SYT2: variants seen among roughly 807,000 people sequenced by gnomAD.
SYT2 encodes the protein synaptotagmin-2.
In SYT2, 15 loss-of-function variants were observed where a neutral mutation model predicts 39.9. The ratio of observed to expected loss-of-function variants is 0.38; its 90% CI spans 0.25 to 0.58. The LOEUF is 0.58. Among genes scored for constraint, SYT2 ranks in the 20% least tolerant of loss-of-function variants. SYT2 has a pLI of 0.70. For synonymous variants in SYT2, 181 were observed against 204.5 expected (o/e 0.89, Z 0.98); for missense variants, 389 against 530.3 (o/e 0.73, Z 2.62).
rs565289856 is a variant in SYT2 at position 202,592,907 on chromosome 1, A to G, written c.*3850T>C. On this transcript the variant is annotated 3_prime_UTR_variant, in exon 9 of 9. Coordinates refer to ENST00000367268, the MANE Select transcript of SYT2 (RefSeq NM_177402.5). ...TATATGTCCCAACTATTTGCCTAGG[A>G]CATATTTACACTTAATAATTGTTTG... 2 of 152,328 alleles carry G rather than the reference A, an allele frequency of 1.3e-5. No homozygotes were observed. Among genetic ancestry groups the G allele is most frequent in the East Asian group, 3.9e-4 (2 of 5,182 alleles). 9.4% of individuals were successfully genotyped at this position (152,328 alleles called of 1,614,324 possible).
intron 1 of SYT2, among the ~76,000 whole-genome samples, chr1:202,709,571 G>A (rs1654339978): frequency 6.6e-6 from 1 of 152,250 alleles, no homozygotes; most frequent in Non-Finnish European, 1.5e-5. Context: ...TGCGAGCCTA[G>A]CCCTTGGGGA....
chr1:202,596,981 G>A lies in SYT2; in HGVS notation c.1054-18C>T, dbSNP rs1178527144. On this transcript the variant is annotated intron_variant, in intron 8 of 8. Transcript: ENST00000367268. ...TGGACTTTCTGCAAGGAAAACGAGGGAGGGAGTTGGCAGACAGAGACGTGG... is the reference window on the plus strand; with the variant it reads ...TGGACTTTCTGCAAGGAAAACGAGGAAGGGAGTTGGCAGACAGAGACGTGG... 9.9e-6 allele frequency: 16 copies of A among 1,609,006 alleles called. No homozygotes were observed. Among genetic ancestry groups the A allele is most frequent in the African/African-American group, 4.0e-5 (3 of 74,984 alleles).
chr1:202,698,112 A>ACCG (rs1553344145), intron 1 of SYT2, among the ~76,000 whole-genome samples: 2 of 150,266 alleles, frequency 1.3e-5, no homozygotes, highest in Admixed American at 6.7e-5. Flanking sequence ...GGGTCTCACC[A>ACCG]CCCCCCCAAG....
At chr1:202,656,568 A>C (rs1692280130) in intron 1 of SYT2, among the ~76,000 whole-genome samples, 1 of 152,200 alleles carries the variant, frequency 6.6e-6, no homozygotes, top group Non-Finnish European at 1.5e-5. Flanking sequence ...GCTCATTGTG[A>C]CATCTATAAA....
At chr1:202,677,133 A>G (rs1056755430) in intron 1 of SYT2, among the ~76,000 whole-genome samples, 1 of 152,178 alleles carries the variant, frequency 6.6e-6, no homozygotes, top group Non-Finnish European at 1.5e-5. Context: ...CTGTGAGTTG[A>G]TGAAATCTCT....
rs1156411310 is a variant in SYT2, at chr1:202,594,517, A to C, written c.*2240T>G. On this transcript the variant is annotated 3_prime_UTR_variant, in exon 9 of 9. Coordinates refer to ENST00000367268, the MANE Select transcript of SYT2 (RefSeq NM_177402.5). Reference sequence around the variant, plus strand: ...GACCCTGAGAAAGCACCAAAATCCCATAACTCTGGGGTTGGGAGAAGAGTC... The same window carrying C: ...GACCCTGAGAAAGCACCAAAATCCCCTAACTCTGGGGTTGGGAGAAGAGTC... 2 of 152,176 alleles carry C rather than the reference A, an allele frequency of 1.3e-5. No individual in the cohort carries two copies. Among genetic ancestry groups the C allele is most frequent in the Non-Finnish European group, 2.9e-5 (2 of 68,058 alleles). 9.4% of individuals were successfully genotyped at this position (152,176 alleles called of 1,614,324 possible). A position where few individuals can be genotyped will look rare whatever the true frequency, so the allele number is the denominator to read the frequency against.
At chr1:202,633,982 C>T (rs1691669352) in intron 1 of SYT2, among the ~76,000 whole-genome samples, 1 of 152,208 alleles carries the variant, frequency 6.6e-6, no homozygotes, top group Admixed American at 6.5e-5. Context: ...TTAAATCTCA[C>T]ATGTGGGAGC....
chr1:202,686,224 T>TC (rs1653662113), intron 1 of SYT2, among the ~76,000 whole-genome samples: 1 of 152,158 alleles, frequency 6.6e-6, no homozygotes, highest in African/African-American at 2.4e-5. Context: ...ACTGATGCTG[T>TC]CCCCATGCTT....
intron 1 of SYT2, among the ~76,000 whole-genome samples, chr1:202,653,335 C>T (rs1475279971): frequency 6.6e-6 from 1 of 152,214 alleles, no homozygotes; most frequent in Non-Finnish European, 1.5e-5. Flanking sequence ...CATCTCCTCA[C>T]TCATCACCTC....
Position 202,599,347 on chromosome 1 carries a change from C to T in SYT2, c.924G>A (p.Pro308=), listed in dbSNP as rs746003032. 1.1e-5 allele frequency: 18 copies of T among 1,590,862 alleles called. No individual in the cohort carries two copies. The highest frequency in any genetic ancestry group is 3.5e-5 in the South Asian group (3 of 86,458). ...TCTGCATCAGGTGGATCTTCACGTA[C>T]GGGTCTGCGGAGGGAGAATCCCAAC... is the stretch of plus-strand genomic sequence containing the variant. The part of the protein sequence containing the change: ...KKMDVGGLSD[P]YVKIHLMQNG... The change falls in exon 8 of 9, where the codon CCG becomes CCA. Residue 308 remains proline (P), a synonymous_variant. Coordinates refer to ENST00000367268, the MANE Select transcript of SYT2 (RefSeq NM_177402.5). The surrounding 1 kb of genome is among the most constrained non-coding windows in gnomAD (Gnocchi z 4.4).
intron 1 of SYT2, among the ~76,000 whole-genome samples, chr1:202,692,410 C>G (rs1653859755): frequency 6.6e-6 from 1 of 152,084 alleles, no homozygotes; most frequent in Admixed American, 6.5e-5. Flanking sequence ...GGAAGAGTCC[C>G]CTGCTCTAAA....
chr1:202,689,862 C>G (rs1448196968), intron 1 of SYT2, among the ~76,000 whole-genome samples: 1 of 151,834 alleles, frequency 6.6e-6, no homozygotes, highest in African/African-American at 2.4e-5. Context: ...GCCTTTCCCC[C>G]TCCCCTGTAA....
Position 202,601,950 on chromosome 1 carries a change from T to A in SYT2, c.741A>T (p.Thr247=), listed in dbSNP as rs775141872. 3 of 1,614,200 alleles carry A rather than the reference T, an allele frequency of 1.9e-6. No individual in the cohort carries two copies. The highest frequency in any genetic ancestry group is 2.5e-6 in the Non-Finnish European group (3 of 1,180,040). The change falls in exon 6 of 9, where the codon ACA becomes ACT. Residue 247 remains threonine (T), a synonymous_variant. Coordinates refer to ENST00000367268, the MANE Select transcript of SYT2 (RefSeq NM_177402.5). The surrounding 1 kb of genome is among the most constrained non-coding windows in gnomAD (Gnocchi z 4.0). ...IIGEVKVPMN[T]VDLGQPIEEW... Reference sequence around the variant, plus strand: ...CCTCAATGGGCTGGCCGAGGTCCACTGTGTTCATAGGCACCTTTACCTCTC... The same window carrying A: ...CCTCAATGGGCTGGCCGAGGTCCACAGTGTTCATAGGCACCTTTACCTCTC...
rs558180637 is a variant in SYT2 at position 202,625,615 on chromosome 1, G to A, written c.-17-19826C>T. Among the ~76,000 whole-genome samples, 19 of 152,078 alleles carry A rather than the reference G, an allele frequency of 1.2e-4. No homozygotes were observed. The South Asian group carries it at 2.5e-3, about 20-fold the overall frequency. On this transcript the variant is annotated intron_variant, in intron 1 of 8. Coordinates refer to ENST00000367268, the MANE Select transcript of SYT2 (RefSeq NM_177402.5). ...GACCTAGCGGTGCCCCCTGCTGTCC[G>A]TCCAGGAGGCTGCCGCCTGCCTCCA...
chr1:202,708,059 T>G (rs1187649784), intron 1 of SYT2, among the ~76,000 whole-genome samples: 1 of 152,170 alleles, frequency 6.6e-6, no homozygotes. Context: ...TTCAGCAAGG[T>G]ACATGCTTTG....
rs769374453 is a variant in SYT2, at chr1:202,623,645, C to T, written c.-17-17856G>A. Among the ~76,000 whole-genome samples the T allele has an allele frequency of 1.3e-5, 2 of 152,178 alleles. No individual in the cohort carries two copies. Among genetic ancestry groups the T allele is most frequent in the Admixed American group, 6.5e-5 (1 of 15,278 alleles). On this transcript the variant is annotated intron_variant, in intron 1 of 8. Coordinates refer to ENST00000367268, the MANE Select transcript of SYT2 (RefSeq NM_177402.5). This position sits in a 1 kb window ranked among gnomAD's most constrained non-coding sequence, Gnocchi z 4.2. ...GCCCTGGGCTGCCTGGTGTAGGATA[C>T]GGAAAGTGTGTAGGGGGGGTGCACC...
In SYT2 at chr1:202,608,768, G is replaced by T. The variant is rs1402935306; in HGVS notation, c.-17-2979C>A. Reference sequence around the variant, plus strand: ...TCATTTCTCTTGGGTATATACATAGGTATGGAATTGCTGGGTCATAACTAT... The same window carrying T: ...TCATTTCTCTTGGGTATATACATAGTTATGGAATTGCTGGGTCATAACTAT... On this transcript the variant is annotated intron_variant, in intron 1 of 8. Coordinates refer to ENST00000367268, the MANE Select transcript of SYT2 (RefSeq NM_177402.5). Among the ~76,000 whole-genome samples the T allele has an allele frequency of 5.3e-4, 80 of 152,156 alleles. 1 individual carries two copies. Among genetic ancestry groups the T allele is most frequent in the Admixed American group, 1.7e-3 (26 of 15,288 alleles).
intron 1 of SYT2, among the ~76,000 whole-genome samples, chr1:202,701,253 C>G (rs1281439990): frequency 6.6e-6 from 1 of 152,154 alleles, no homozygotes; most frequent in Non-Finnish European, 1.5e-5. Flanking sequence ...AAAATGCCTG[C>G]TCAACACCCA....
At chr1:202,637,131 G>A (rs1044880127) in intron 1 of SYT2, among the ~76,000 whole-genome samples, 15 of 152,098 alleles carry the variant, frequency 9.9e-5, no homozygotes, top group Non-Finnish European at 7.4e-5. Flanking sequence ...AGCCCAGCCT[G>A]GGCAACATGG....
Sources: allele counts gnomAD v4.1 joint callset (sites outside exome capture counted in the v4.1 genomes callset), GRCh38; gene constraint gnomAD v4.1.1; non-coding constraint Gnocchi (gnomAD v3.1); transcripts MANE v1.5; gene names NCBI Gene and HGNC (gene_info 2026-07-23, HGNC 2026-07-21).